The following AGAP1 variants were observed in gnomAD, a reference collection of about 807,000 sequenced individuals.
The protein encoded by AGAP1 is ArfGAP with GTPase domain, ankyrin repeat and PH domain 1, also known as arf-GAP with GTPase, ANK repeat and PH domain-containing protein 1.
A neutral mutation model predicts 105.3 loss-of-function variants in AGAP1; 29 were observed. The observed-to-expected ratio is 0.28, with a 90% CI of 0.21 to 0.38. The LOEUF is 0.38. AGAP1 is among the 10% of genes least tolerant of loss of function. The pLI is 1.00. For missense variants in AGAP1, 998 were observed against 1,165.1 expected (o/e 0.86, Z 2.09); for synonymous variants, 509 against 485.9 (o/e 1.05, Z -0.63).
At position 235,621,670 on chromosome 2, in the gene AGAP1, C is replaced by T. The variant is rs79770696; in HGVS notation, c.164-87509C>T. On this transcript the variant is annotated intron_variant, in intron 1 of 17. Coordinates refer to ENST00000304032, the MANE Select transcript of AGAP1 (RefSeq NM_001037131.3). The surrounding 1 kb of genome is among the most constrained non-coding windows in gnomAD (Gnocchi z 4.1). The stretch of plus-strand genomic sequence containing the variant: ...CTCTCCAACACAAGGGTTGGTCATT[C>T]CCTGTGCCCATTGTTCATGCATTGG... 3.3e-4 allele frequency among the ~76,000 whole-genome samples: 50 copies of T among 152,228 alleles called. 1 individual carries two copies. Among genetic ancestry groups the T allele is most frequent in the African/African-American group, 1.2e-3 (48 of 41,462 alleles).
In AGAP1 at chr2:235,888,646, A is replaced by G. The variant is rs1240899314; in HGVS notation, c.1155+5197A>G. Among the ~76,000 whole-genome samples, 1 of 151,974 alleles carries G rather than the reference A, an allele frequency of 6.6e-6. No homozygotes were observed. Among genetic ancestry groups the G allele is most frequent in the Non-Finnish European group, 1.5e-5 (1 of 67,990 alleles). ...TTGAGCCAGGAGGTCAGGGCTTCAC[A>G]GTGAGCTATGATCGTGCCACTGCAC... On this transcript the variant is annotated intron_variant, in intron 10 of 17. Coordinates refer to ENST00000304032, the MANE Select transcript of AGAP1 (RefSeq NM_001037131.3). This position sits in a 1 kb window ranked among gnomAD's most constrained non-coding sequence, Gnocchi z 4.8.
rs1163115097 is a variant in AGAP1, at chr2:235,981,173, C to G, written c.1645+12550C>G. Among the ~76,000 whole-genome samples, 1 of 152,172 alleles carries G rather than the reference C, an allele frequency of 6.6e-6. No homozygotes were observed. Among genetic ancestry groups the G allele is most frequent in the African/African-American group, 2.4e-5 (1 of 41,442 alleles). On this transcript the variant is annotated intron_variant, in intron 13 of 17. Coordinates refer to ENST00000304032, the MANE Select transcript of AGAP1 (RefSeq NM_001037131.3). This position sits in a 1 kb window ranked among gnomAD's most constrained non-coding sequence, Gnocchi z 5.5. The stretch of plus-strand genomic sequence containing the variant: ...TCTTGAACTTGCCAACACATGCTGC[C>G]TCGGGGCCTGTGGTCACTAAGCTTA...
chr2:235,669,099 A>C (rs185864710), intron 1 of AGAP1, among the ~76,000 whole-genome samples: 17 of 152,234 alleles, frequency 1.1e-4, no homozygotes, highest in Non-Finnish European at 1.9e-4. Flanking sequence ...GGTTATTGAT[A>C]ATTGAAAATG....
chr2:236,111,786 T>C lies in AGAP1; in HGVS notation c.2115-8406T>C, dbSNP rs2059649893. Among the ~76,000 whole-genome samples the C allele has an allele frequency of 3.0e-5, 3 of 101,132 alleles. No individual in the cohort carries two copies. In the South Asian group the frequency reaches 9.9e-4, roughly 33 times the overall value. 66.3% of individuals were successfully genotyped at this position (101,132 alleles called of 152,430 possible). A position where few individuals can be genotyped will look rare whatever the true frequency, so the allele number is the denominator to read the frequency against. ...CAGCCTAGGCAACAGTGCGACTCTA[T>C]CTCAAAAAAAAAAAAAAAAAAGAAA... On this transcript the variant is annotated intron_variant, in intron 16 of 17. Transcript: ENST00000304032.
At chr2:235,567,062 A>G (rs570774296) in intron 1 of AGAP1, among the ~76,000 whole-genome samples, 24 of 151,896 alleles carry the variant, frequency 1.6e-4, no homozygotes, top group Non-Finnish European at 3.1e-4. Context: ...GGAGGACACT[A>G]TTCACCCCAG....
intron 1 of AGAP1, among the ~76,000 whole-genome samples, chr2:235,527,030 T>C (rs1478336371): frequency 1.3e-5 from 2 of 152,230 alleles, no homozygotes. Flanking sequence ...TGGAGTCTTC[T>C]GCAAAACTGT....
chr2:236,025,575 A>G (rs909075754), intron 13 of AGAP1, among the ~76,000 whole-genome samples: 6 of 152,170 alleles, frequency 3.9e-5, no homozygotes, highest in African/African-American at 1.4e-4. Flanking sequence ...TGGTCACTGC[A>G]ATGCCACCGA....
At chr2:235,670,334 G>T in intron 1 of AGAP1, 1 of 487,202 alleles carries the variant, frequency 2.1e-6, no homozygotes, top group Non-Finnish European at 3.6e-6. Flanking sequence ...GGCGGAGGGC[G>T]CCGAGGAACC....
At chr2:236,059,340 A>G (rs1190199260) in intron 16 of AGAP1, among the ~76,000 whole-genome samples, 3 of 152,242 alleles carry the variant, frequency 2.0e-5, no homozygotes, top group Non-Finnish European at 4.4e-5. Flanking sequence ...AGACCTAAGT[A>G]AATGAAAAGA....
intron 16 of AGAP1, among the ~76,000 whole-genome samples, chr2:236,081,693 A>G (rs987895266): frequency 2.7e-5 from 4 of 149,366 alleles, no homozygotes. Flanking sequence ...TTGCAGGGCA[A>G]TTATCTGTAT....
chr2:235,523,353 G>T (rs1364545408), intron 1 of AGAP1, among the ~76,000 whole-genome samples: 3 of 152,178 alleles, frequency 2.0e-5, no homozygotes, highest in Non-Finnish European at 2.9e-5. Flanking sequence ...GGAGCCCCAG[G>T]AGGCTCTTGG....
At position 236,076,185 on chromosome 2, in the gene AGAP1, C is replaced by T. The variant is rs1441839466; in HGVS notation, c.2114+26904C>T. Among the ~76,000 whole-genome samples the T allele has an allele frequency of 2.0e-5, 3 of 152,234 alleles. No individual in the cohort carries two copies. The highest frequency in any genetic ancestry group is 2.9e-5 in the Non-Finnish European group (2 of 68,036). On this transcript the variant is annotated intron_variant, in intron 16 of 17. Transcript: ENST00000304032. The surrounding 1 kb of genome is among the most constrained non-coding windows in gnomAD (Gnocchi z 4.4). ...AGTCTTGAGGCGGGGCGCCGTGGCT[C>T]ATGCCTGTAATCCCAGCACTTTGAG...
At chr2:235,972,722 G>A (rs2054701510) in intron 13 of AGAP1, among the ~76,000 whole-genome samples, 1 of 152,176 alleles carries the variant, frequency 6.6e-6, no homozygotes, top group Non-Finnish European at 1.5e-5. Flanking sequence ...TTGGCTCCCA[G>A]GACCAAGACA....
At chr2:236,041,806 A>G (rs1008997477) in intron 15 of AGAP1, among the ~76,000 whole-genome samples, 1 of 152,204 alleles carries the variant, frequency 6.6e-6, no homozygotes, top group Non-Finnish European at 1.5e-5. Flanking sequence ...CCTGCTGACC[A>G]TGGAGCTAAG....
At chr2:235,807,417 G>A (rs945746092) in intron 9 of AGAP1, 86 bp downstream of exon 9, 2 of 1,247,536 alleles carry the variant, frequency 1.6e-6, no homozygotes, top group Admixed American at 2.5e-5. Flanking sequence ...TCGCACCAAG[G>A]TCTGTCTGAT....
intron 1 of AGAP1, among the ~76,000 whole-genome samples, chr2:235,496,756 C>G (rs1246923860): frequency 1.2e-5 from 1 of 81,830 alleles, no homozygotes; most frequent in African/African-American, 4.0e-5. Flanking sequence ...TCCTTTCTCC[C>G]TTAAAAGAAA....
rs1334265237 is a variant in AGAP1 at position 235,842,109 on chromosome 2, G to GC, written c.1050+34782dup. 6.6e-6 allele frequency among the ~76,000 whole-genome samples: 1 copy of GC among 152,184 alleles called. No individual in the cohort carries two copies. The highest frequency in any genetic ancestry group is 1.5e-5 in the Non-Finnish European group (1 of 68,034). ...GGAAGCCCAGGCTCACTCCATGGCT[G>GC]CCCCTCTCCCCAGCCTGCTGGCGTT... On this transcript the variant is annotated intron_variant, in intron 9 of 17. Coordinates refer to ENST00000304032, the MANE Select transcript of AGAP1 (RefSeq NM_001037131.3). The surrounding 1 kb of genome is among the most constrained non-coding windows in gnomAD (Gnocchi z 5.3).
At chr2:235,760,086 A>C (rs912780927) in intron 6 of AGAP1, among the ~76,000 whole-genome samples, 1 of 152,206 alleles carries the variant, frequency 6.6e-6, no homozygotes, top group African/African-American at 2.4e-5. Context: ...GGTAAATACA[A>C]ATACAGAAGA....
At chr2:235,762,670 C>A (rs1954551139) in intron 6 of AGAP1, among the ~76,000 whole-genome samples, 1 of 152,104 alleles carries the variant, frequency 6.6e-6, no homozygotes, top group Non-Finnish European at 1.5e-5. Flanking sequence ...GAGTTCAAGA[C>A]CAGACCGGCC....
Sources: gnomAD v4.1 joint callset for allele counts (sites outside exome capture counted in the v4.1 genomes callset) on GRCh38, gnomAD v4.1.1 for gene constraint, Gnocchi (gnomAD v3.1) non-coding constraint, MANE v1.5 for transcripts, NCBI Gene and HGNC (gene_info 2026-07-23, HGNC 2026-07-21) for gene names.